Variants in NDRG1 observed in about 807,000 individuals in gnomAD.
NDRG1 encodes the protein protein NDRG1.
In NDRG1, 32 loss-of-function variants were observed where a neutral mutation model predicts 56.9. The observed-to-expected ratio is 0.56, with a 90% CI of 0.42 to 0.76. The LOEUF is 0.76. Ranked by LOEUF, NDRG1 falls within the 30% of genes least tolerant of loss-of-function variation. The pLI, the probability that NDRG1 is intolerant of heterozygous loss-of-function variation, is 0.00. For missense variants in NDRG1, 507 were observed against 545.7 expected, an observed-to-expected ratio of 0.93 and a Z score of 0.71; for synonymous variants, 211 against 204.1, an observed-to-expected ratio of 1.03 and a Z score of -0.29.
intron 5 of NDRG1, among the ~76,000 whole-genome samples, chr8:133,260,975 C>A (rs988264384): frequency 6.6e-6 from 1 of 152,134 alleles, no homozygotes; most frequent in African/African-American, 2.4e-5. Flanking sequence ...AAAGGCCATG[C>A]CCATACAGAT....
intron 7 of NDRG1, among the ~76,000 whole-genome samples, chr8:133,257,242 G>GT (rs1398487933): frequency 2.0e-5 from 3 of 151,680 alleles, no homozygotes; most frequent in Non-Finnish European, 4.4e-5. Flanking sequence ...AGTTGTGGCA[G>GT]TAACAACTGT....
At chr8:133,253,642 G>T (rs1289590585) in intron 9 of NDRG1, among the ~76,000 whole-genome samples, 1 of 152,194 alleles carries the variant, frequency 6.6e-6, no homozygotes, top group East Asian at 1.9e-4. Flanking sequence ...CAGGTGAATG[G>T]AAAAACAAAC....
intron 15 of NDRG1, 51 bp from the exon 16 acceptor site, chr8:133,239,170 G>C: frequency 6.5e-7 from 1 of 1,548,364 alleles, no homozygotes; most frequent in Non-Finnish European, 8.7e-7. Context: ...GCCAGGTGAG[G>C]AGCCAGGCAT....
chr8:133,271,372 A>G (rs1040129944), intron 3 of NDRG1, among the ~76,000 whole-genome samples: 2 of 152,308 alleles, frequency 1.3e-5, no homozygotes, highest in East Asian at 3.9e-4. Context: ...ATGGGAACAG[A>G]GGCTCAAGAG....
chr8:133,291,902 C>T (rs1437191377), intron 1 of NDRG1, among the ~76,000 whole-genome samples: 3 of 152,172 alleles, frequency 2.0e-5, no homozygotes, highest in African/African-American at 7.2e-5. Flanking sequence ...GTGTGTTCAA[C>T]TTGAGCACAG....
intron 3 of NDRG1, among the ~76,000 whole-genome samples, chr8:133,276,347 G>A (rs1206113392): frequency 1.3e-5 from 2 of 152,198 alleles, no homozygotes; most frequent in Non-Finnish European, 2.9e-5. Context: ...TTCGCAGGGA[G>A]CAGATAAACT....
chr8:133,283,240 T>C (rs1250551346), intron 2 of NDRG1, among the ~76,000 whole-genome samples: 9 of 152,170 alleles, frequency 5.9e-5, no homozygotes, highest in Non-Finnish European at 1.5e-5. Context: ...AAAGTTGAAA[T>C]ACGGTCGGCG....
At chr8:133,286,318 G>A (rs933037310) in intron 1 of NDRG1, among the ~76,000 whole-genome samples, 2 of 152,186 alleles carry the variant, frequency 1.3e-5, no homozygotes, top group East Asian at 1.9e-4. Context: ...AAAAGGACTC[G>A]AGAAATGCTG....
chr8:133,280,642 G>C (rs1473064226), intron 2 of NDRG1, among the ~76,000 whole-genome samples: 1 of 151,918 alleles, frequency 6.6e-6, no homozygotes, highest in Non-Finnish European at 1.5e-5. Context: ...CACCATGTTA[G>C]CCAGGATGGT....
intron 7 of NDRG1, 102 bp downstream of exon 7, chr8:133,258,264 C>A: frequency 8.5e-7 from 1 of 1,177,466 alleles, no homozygotes; most frequent in South Asian, 1.3e-5. Context: ...GAATACGGGT[C>A]ATTTCTTTTT....
intron 3 of NDRG1, among the ~76,000 whole-genome samples, chr8:133,272,244 A>G (rs1857229418): frequency 6.6e-6 from 1 of 152,238 alleles, no homozygotes; most frequent in Non-Finnish European, 1.5e-5. Context: ...CCCACGCTGA[A>G]GACCTCAGTT....
chr8:133,296,717 A>G, intron 1 of NDRG1: 1 of 338,824 alleles, frequency 3.0e-6, no homozygotes, highest in Admixed American at 3.3e-5. Flanking sequence ...ACACACACAC[A>G]CACACACACA....
chr8:133,276,498 A>G (rs1328969804), intron 3 of NDRG1, among the ~76,000 whole-genome samples: 1 of 152,158 alleles, frequency 6.6e-6, no homozygotes, highest in Non-Finnish European at 1.5e-5. Context: ...GTGTCGTGGG[A>G]GGGAACCAGT....
At chr8:133,292,340 G>T (rs1436470690) in intron 1 of NDRG1, among the ~76,000 whole-genome samples, 1 of 152,160 alleles carries the variant, frequency 6.6e-6, no homozygotes, top group Non-Finnish European at 1.5e-5. Flanking sequence ...CCACCCTCCG[G>T]AATGGGCCTC....
At chr8:133,286,811 G>C (rs1858141467) in intron 1 of NDRG1, among the ~76,000 whole-genome samples, 1 of 152,206 alleles carries the variant, frequency 6.6e-6, no homozygotes, top group African/African-American at 2.4e-5. Context: ...AAGTGTCCTA[G>C]ACTCTGAAGT....
intron 4 of NDRG1, among the ~76,000 whole-genome samples, chr8:133,263,880 C>T (rs548630738): frequency 7.0e-6 from 1 of 142,492 alleles, no homozygotes; most frequent in South Asian, 2.1e-4. Context: ...CGCACCACTG[C>T]ACTCCAGCCT....
At chr8:133,259,451 A>AT in intron 5 of NDRG1, 2 of 592,366 alleles carry the variant, frequency 3.4e-6, no homozygotes, top group South Asian at 3.8e-5. Flanking sequence ...CATTCTGGGA[A>AT]TTAGCTCATT....
At chr8:133,252,874 C>A (rs1856149012) in intron 9 of NDRG1, among the ~76,000 whole-genome samples, 1 of 151,620 alleles carries the variant, frequency 6.6e-6, no homozygotes, top group Admixed American at 6.6e-5. Flanking sequence ...GCCTCTATTG[C>A]CCTCGTACAC....
chr8:133,244,583 T>C (rs889452055), intron 13 of NDRG1, 193 bp from the exon 14 acceptor site: 3 of 670,048 alleles, frequency 4.5e-6, no homozygotes, highest in African/African-American at 1.8e-5. Context: ...GGTGTCTCCG[T>C]GGCAACCATC....
Sources: allele counts gnomAD v4.1 joint callset (sites outside exome capture counted in the v4.1 genomes callset), GRCh38; gene constraint gnomAD v4.1.1; transcripts MANE v1.5; gene names NCBI Gene and HGNC (gene_info 2026-07-23, HGNC 2026-07-21).